Variants in PERP observed in about 807,000 individuals in gnomAD.
The protein encoded by PERP is p53 apoptosis effector related to PMP22.
In PERP, 11 loss-of-function variants were observed where a neutral mutation model predicts 20.3. That is an observed-to-expected ratio of 0.54 (90% CI 0.34 to 0.90). PERP has a LOEUF of 0.90. Among genes scored for constraint, PERP ranks in the 40% least tolerant of loss-of-function variants. PERP has a pLI of 0.02. For synonymous variants in PERP, 101 were observed against 102.0 expected, an observed-to-expected ratio of 0.99 and a Z score of 0.06; for missense variants, 224 against 249.4, an observed-to-expected ratio of 0.90 and a Z score of 0.69.
At position 138,091,862 on chromosome 6, in the gene PERP, A is replaced by T; in HGVS notation, c.*180T>A. The T allele has an allele frequency of 1.7e-6, 1 of 575,772 alleles. No individual in the cohort carries two copies. The highest frequency in any genetic ancestry group is 3.0e-6 in the Non-Finnish European group (1 of 330,350). 35.7% of individuals were successfully genotyped at this position (575,772 alleles called of 1,614,324 possible). A position where few individuals can be genotyped will look rare whatever the true frequency, so the allele number is the denominator to read the frequency against. On this transcript the variant is annotated 3_prime_UTR_variant, in exon 3 of 3. Transcript: ENST00000421351. Reference sequence around the variant, plus strand: ...ACAACTTCACAAAACATAATAAAAGATAAACATGAAACTATAACACTACTT... The same window carrying T: ...ACAACTTCACAAAACATAATAAAAGTTAAACATGAAACTATAACACTACTT...
intron 1 of PERP, among the ~76,000 whole-genome samples, chr6:138,097,501 T>C (rs1183942424): frequency 6.6e-6 from 1 of 152,200 alleles, no homozygotes; most frequent in African/African-American, 2.4e-5. Context: ...TCAGTAGTTT[T>C]TGGGGTACAA....
intron 1 of PERP, among the ~76,000 whole-genome samples, chr6:138,104,186 A>G (rs970456478): frequency 6.6e-6 from 1 of 152,246 alleles, no homozygotes; most frequent in African/African-American, 2.4e-5. Context: ...CAAAACTAGT[A>G]TGAGTGAACA....
At position 138,107,170 on chromosome 6, in the gene PERP, G is replaced by C; in HGVS notation, c.171C>G (p.Gly57=). 3 of 1,611,442 alleles carry C rather than the reference G, an allele frequency of 1.9e-6. No individual in the cohort carries two copies. The highest frequency in any genetic ancestry group is 1.7e-4 in the Middle Eastern group (1 of 6,046). The change falls in exon 1 of 3, where the codon GGC becomes GGG. Residue 57 remains glycine, a synonymous_variant. Coordinates refer to ENST00000421351, the MANE Select transcript of PERP (RefSeq NM_022121.5). This position sits in a 1 kb window ranked among gnomAD's most constrained non-coding sequence, Gnocchi z 4.8. ...LWWKCSQEGG[G]SGSYEEGCQS... ...GACAGCCCTCCTCGTAGGACCCGCT[G>C]CCGCCGCCCTCTTGGGAGCATTTCC... is the stretch of plus-strand genomic sequence containing the variant.
At chr6:138,101,500 T>C (rs1775772382) in intron 1 of PERP, among the ~76,000 whole-genome samples, 1 of 152,228 alleles carries the variant, frequency 6.6e-6, no homozygotes, top group South Asian at 2.1e-4. Flanking sequence ...TCACTAAGTT[T>C]CCCCCCAAAG....
Position 138,090,036 on chromosome 6 carries a change from G to A in PERP, c.*2006C>T, listed in dbSNP as rs1311875442. 2 of 152,146 alleles carry A rather than the reference G, an allele frequency of 1.3e-5. No individual in the cohort carries two copies. Among genetic ancestry groups the A allele is most frequent in the Admixed American group, 1.3e-4 (2 of 15,272 alleles). 9.4% of individuals were successfully genotyped at this position (152,146 alleles called of 1,614,324 possible). On this transcript the variant is annotated 3_prime_UTR_variant, in exon 3 of 3. Transcript: ENST00000421351. ...ATCTCTAGATATCCAGTATCTTCTTGAATGAGCTGTGGTATCACTTTAAAA... is the reference window on the plus strand; with the variant it reads ...ATCTCTAGATATCCAGTATCTTCTTAAATGAGCTGTGGTATCACTTTAAAA...
chr6:138,103,997 C>G (rs1775809986), intron 1 of PERP, among the ~76,000 whole-genome samples: 2 of 152,168 alleles, frequency 1.3e-5, no homozygotes, highest in Non-Finnish European at 2.9e-5. Flanking sequence ...GGATTCAAGG[C>G]AAATGCTCGT....
chr6:138,097,464 T>C (rs924840734), intron 1 of PERP, among the ~76,000 whole-genome samples: 1 of 152,006 alleles, frequency 6.6e-6, no homozygotes, highest in Non-Finnish European at 1.5e-5. Context: ...CCAGGTTATT[T>C]TTTATTTTTA....
intron 2 of PERP, among the ~76,000 whole-genome samples, chr6:138,096,027 C>T (rs1006749028): frequency 6.6e-6 from 1 of 151,960 alleles, no homozygotes; most frequent in African/African-American, 2.4e-5. Context: ...GGGACCACAA[C>T]GGAGAGCACT....
Position 138,090,349 on chromosome 6 carries a change from A to C in PERP, c.*1693T>G, listed in dbSNP as rs1266398043. On this transcript the variant is annotated 3_prime_UTR_variant, in exon 3 of 3. Transcript: ENST00000421351. ...GTAACATATGACTTATGGTGGGAAA[A>C]AAAATAACAAATGATAAAATGGGAA... The C allele has an allele frequency of 6.6e-6, 1 of 152,168 alleles. No homozygotes were observed. The highest frequency in any genetic ancestry group is 1.5e-5 in the Non-Finnish European group (1 of 68,062). 9.4% of individuals were successfully genotyped at this position (152,168 alleles called of 1,614,324 possible).
chr6:138,107,037 T>G lies in PERP; in HGVS notation c.214+90A>C. 4 of 1,330,588 alleles carry G rather than the reference T, an allele frequency of 3.0e-6. No homozygotes were observed. In the East Asian group the frequency reaches 9.5e-5, roughly 32 times the overall value. 82.4% of individuals were successfully genotyped at this position (1,330,588 alleles called of 1,614,324 possible). A position where few individuals can be genotyped will look rare whatever the true frequency, so the allele number is the denominator to read the frequency against. On this transcript the variant is annotated intron_variant, in intron 1 of 2. Coordinates refer to ENST00000421351, the MANE Select transcript of PERP (RefSeq NM_022121.5). This position sits in a 1 kb window ranked among gnomAD's most constrained non-coding sequence, Gnocchi z 4.8. ...TGAAAAGCACTGGCTCCCCCGACCC[T>G]GTGAGGGCCCATCACGCGCGGCGGC... is the stretch of plus-strand genomic sequence containing the variant.
intron 2 of PERP, 135 bp from the exon 3 acceptor site, chr6:138,092,403 G>A: frequency 1.2e-6 from 1 of 813,258 alleles, no homozygotes; most frequent in Non-Finnish European, 1.9e-6. Context: ...GAGGCAGGAG[G>A]AATCTGGTTA....
chr6:138,102,210 C>T (rs567128125), intron 1 of PERP, among the ~76,000 whole-genome samples: 2 of 152,284 alleles, frequency 1.3e-5, no homozygotes, highest in South Asian at 4.1e-4. Flanking sequence ...GTTACTTTAA[C>T]CCTTAATAAC....
chr6:138,091,851 C>T lies in PERP; in HGVS notation c.*191G>A, dbSNP rs2114326992. ...AGTGAAAAGACACAACTTCACAAAA[C>T]ATAATAAAAGATAAACATGAAACTA... On this transcript the variant is annotated 3_prime_UTR_variant, in exon 3 of 3. Transcript: ENST00000421351. The T allele has an allele frequency of 1.8e-6, 1 of 551,490 alleles. No individual in the cohort carries two copies. Among genetic ancestry groups the T allele is most frequent in the Non-Finnish European group, 3.2e-6 (1 of 314,686 alleles). 34.2% of individuals were successfully genotyped at this position (551,490 alleles called of 1,614,324 possible).
At chr6:138,098,518 C>A (rs538197365) in intron 1 of PERP, among the ~76,000 whole-genome samples, 14 of 152,266 alleles carry the variant, frequency 9.2e-5, no homozygotes, top group African/African-American at 2.4e-4. Context: ...CTCCTGTGTC[C>A]CTGTGACTTT....
intron 1 of PERP, among the ~76,000 whole-genome samples, chr6:138,102,225 T>C (rs1775785035): frequency 6.6e-6 from 1 of 152,230 alleles, no homozygotes; most frequent in Non-Finnish European, 1.5e-5. Flanking sequence ...AATAACCTTC[T>C]TTTAGACGAT....
At chr6:138,093,558 A>T (rs1372303399) in intron 2 of PERP, among the ~76,000 whole-genome samples, 1 of 152,182 alleles carries the variant, frequency 6.6e-6, no homozygotes, top group African/African-American at 2.4e-5. Flanking sequence ...CTTACTATTT[A>T]AGTTTGTCAT....
intron 1 of PERP, among the ~76,000 whole-genome samples, chr6:138,102,613 C>T (rs1039344311): frequency 1.3e-5 from 2 of 152,052 alleles, no homozygotes; most frequent in Non-Finnish European, 2.9e-5. Flanking sequence ...AGAAAGGAAC[C>T]GAGGCTCTCT....
chr6:138,092,830 C>T (rs772105453), intron 2 of PERP, among the ~76,000 whole-genome samples: 2 of 151,770 alleles, frequency 1.3e-5, no homozygotes, highest in African/African-American at 2.4e-5. Context: ...GGGGAGAATC[C>T]GCAGAGAAGC....
chr6:138,101,558 C>T (rs930013925), intron 1 of PERP, among the ~76,000 whole-genome samples: 3 of 152,158 alleles, frequency 2.0e-5, no homozygotes, highest in Non-Finnish European at 4.4e-5. Context: ...TAGTTTTAAA[C>T]GACGCCCTTA....
Sources: allele counts gnomAD v4.1 joint callset (sites outside exome capture counted in the v4.1 genomes callset), GRCh38; gene constraint gnomAD v4.1.1; non-coding constraint Gnocchi (gnomAD v3.1); transcripts MANE v1.5; gene names NCBI Gene and HGNC (gene_info 2026-07-23, HGNC 2026-07-21).